The following ITGA1 variants were observed in gnomAD, a reference collection of about 807,000 sequenced individuals.
The protein encoded by ITGA1 is integrin subunit alpha 1.
A neutral mutation model predicts 145.9 loss-of-function variants in ITGA1; 85 were observed. That is an observed-to-expected ratio of 0.58 (90% confidence interval 0.49 to 0.70). ITGA1 has a LOEUF of 0.70. Among genes scored for constraint, ITGA1 ranks in the 30% least tolerant of loss-of-function variants. The pLI is 0.00. For synonymous variants in ITGA1, 520 were observed against 495.3 expected, an observed-to-expected ratio of 1.05 and a Z score of -0.66; for missense variants, 1,351 against 1,418.7, an observed-to-expected ratio of 0.95 and a Z score of 0.77.
At chr5:52,895,051 G>A (rs931771293) in intron 9 of ITGA1, among the ~76,000 whole-genome samples, 3 of 151,982 alleles carry the variant, frequency 2.0e-5, no homozygotes, top group African/African-American at 7.3e-5. Context: ...CTTATTACAT[G>A]TGATGCACTG....
intron 1 of ITGA1, among the ~76,000 whole-genome samples, chr5:52,814,217 G>A (rs1447447454): frequency 6.6e-6 from 1 of 152,192 alleles, no homozygotes; most frequent in Non-Finnish European, 1.5e-5. Context: ...CGCGATCTCA[G>A]CTCACTGCAA....
chr5:52,843,644 G>A (rs1248113462), intron 1 of ITGA1, among the ~76,000 whole-genome samples: 1 of 152,142 alleles, frequency 6.6e-6, no homozygotes, highest in African/African-American at 2.4e-5. Context: ...AAATACTCCA[G>A]AGCTACAAGA....
Position 52,807,444 on chromosome 5 carries a change from A to G in ITGA1, c.61+19030A>G, listed in dbSNP as rs930127115. 2.6e-5 allele frequency among the ~76,000 whole-genome samples: 4 copies of G among 152,344 alleles called. No homozygotes were observed. The East Asian group carries it at 5.8e-4, about 22-fold the overall frequency. On this transcript the variant is annotated intron_variant, in intron 1 of 28. Coordinates refer to ENST00000282588, the MANE Select transcript of ITGA1 (RefSeq NM_181501.2). ...AAATGAAATTAAAGAAGATTAAATA[A>G]TTTATCCAAAATAACAGTTAGTGGG...
rs532421699 is a variant in ITGA1 at position 52,829,675 on chromosome 5, G to A, written c.62-19690G>A. On this transcript the variant is annotated intron_variant, in intron 1 of 28. Coordinates refer to ENST00000282588, the MANE Select transcript of ITGA1 (RefSeq NM_181501.2). ...TGAAAACAGTTCAATACTCATTTAT[G>A]TAGAGAATATCTTTCAAGACATTAA... is the stretch of plus-strand genomic sequence containing the variant. 1.6e-4 allele frequency among the ~76,000 whole-genome samples: 24 copies of A among 152,036 alleles called. No homozygotes were observed. In the East Asian group the frequency reaches 2.1e-3, roughly 13 times the overall value.
chr5:52,903,543 G>C (rs572250508), intron 11 of ITGA1: 1 of 152,244 alleles, frequency 6.6e-6, no homozygotes, highest in South Asian at 2.1e-4. Flanking sequence ...TGTTCCTTTA[G>C]CACTTGTAAG....
At chr5:52,903,275 A>G (rs921127380) in intron 11 of ITGA1, 4 of 152,046 alleles carry the variant, frequency 2.6e-5, no homozygotes, top group Non-Finnish European at 5.9e-5. Flanking sequence ...CCTTCTTTAT[A>G]TTTCTTAGCA....
intron 3 of ITGA1, among the ~76,000 whole-genome samples, chr5:52,863,516 A>C (rs1366731372): frequency 6.6e-6 from 1 of 152,154 alleles, no homozygotes; most frequent in Non-Finnish European, 1.5e-5. Context: ...AACAAAACAC[A>C]AAAGCACAAA....
At chr5:52,830,380 T>A (rs1237586111) in intron 1 of ITGA1, among the ~76,000 whole-genome samples, 1 of 152,198 alleles carries the variant, frequency 6.6e-6, no homozygotes. Context: ...AAAGATAAAC[T>A]TTGGAAGTTT....
At chr5:52,825,936 G>A (rs1580049789) in intron 1 of ITGA1, among the ~76,000 whole-genome samples, 4 of 145,438 alleles carry the variant, frequency 2.8e-5, no homozygotes, top group Non-Finnish European at 3.0e-5. Context: ...AAAAAAAAAA[G>A]GAAAGAAGTT....
chr5:52,913,804 A>G (rs1472238759), intron 14 of ITGA1, among the ~76,000 whole-genome samples: 1 of 152,190 alleles, frequency 6.6e-6, no homozygotes, highest in Non-Finnish European at 1.5e-5. Flanking sequence ...AACATGAGTG[A>G]TTTTTCATAA....
At chr5:52,808,802 G>A (rs887231262) in intron 1 of ITGA1, among the ~76,000 whole-genome samples, 1 of 148,838 alleles carries the variant, frequency 6.7e-6, no homozygotes, top group Non-Finnish European at 1.5e-5. Context: ...ATATATCATC[G>A]GACCTAGTTC....
chr5:52,815,485 T>C (rs6450091), intron 1 of ITGA1, among the ~76,000 whole-genome samples: 138,046 of 152,262 alleles, frequency 0.91, 62,653 homozygotes, highest in Middle Eastern at 0.92. Flanking sequence ...ACTCCCCTGG[T>C]CATGACTGGC....
chr5:52,800,376 G>A, intron 1 of ITGA1: 1 of 1,613,320 alleles, frequency 6.2e-7, no homozygotes. Flanking sequence ...GGTTCTGTCA[G>A]TGAGCCCCTT....
chr5:52,905,321 A>G (rs1292287002), intron 11 of ITGA1: 1 of 152,520 alleles, frequency 6.6e-6, no homozygotes, highest in Non-Finnish European at 1.5e-5. Context: ...AATCATCTTC[A>G]ATTATTTAAA....
Position 52,839,458 on chromosome 5 carries a change from A to G in ITGA1, c.62-9907A>G, listed in dbSNP as rs147006394. Among the ~76,000 whole-genome samples, 147 of 152,298 alleles carry G rather than the reference A, an allele frequency of 9.7e-4. 2 individuals carry two copies. The highest frequency in any genetic ancestry group is 3.4e-3 in the African/African-American group (142 of 41,572). On this transcript the variant is annotated intron_variant, in intron 1 of 28. Coordinates refer to ENST00000282588, the MANE Select transcript of ITGA1 (RefSeq NM_181501.2). ...TTGGCTCTTCTTGTACTATTTGAACATTAGGTAACTGGTTACTGTCTTCTG... is the reference window on the plus strand; with the variant it reads ...TTGGCTCTTCTTGTACTATTTGAACGTTAGGTAACTGGTTACTGTCTTCTG...
chr5:52,811,556 T>C (rs771540167), intron 1 of ITGA1, among the ~76,000 whole-genome samples: 12 of 152,192 alleles, frequency 7.9e-5, no homozygotes, highest in South Asian at 2.1e-4. Flanking sequence ...ATTCCAGAGC[T>C]GAGGGTCATT....
Position 52,849,475 on chromosome 5 carries a change from G to C in ITGA1, c.172G>C (p.Glu58Gln). 4.4e-6 allele frequency: 7 copies of C among 1,601,564 alleles called. No individual in the cohort carries two copies. The highest frequency in any genetic ancestry group is 6.0e-6 in the Non-Finnish European group (7 of 1,172,342). ...TACTGTTCAACAATATGAAAATGAA[G>C]AAGGAAAATGGTAAGCCAGTGGGTT... is the stretch of plus-strand genomic sequence containing the variant. ...GYTVQQYENE[E>Q]GKWVLIGSPL... The change falls in exon 2 of 29, where the codon GAA becomes CAA. Residue 58 changes from glutamate to glutamine, a missense_variant. Coordinates refer to ENST00000282588, the MANE Select transcript of ITGA1 (RefSeq NM_181501.2).
At chr5:52,892,090 G>A (rs1484861790) in intron 8 of ITGA1, among the ~76,000 whole-genome samples, 7 of 152,010 alleles carry the variant, frequency 4.6e-5, no homozygotes, top group Non-Finnish European at 8.8e-5. Flanking sequence ...AACACATAAA[G>A]GACTTGCATC....
At chr5:52,814,350 C>A (rs1400934227) in intron 1 of ITGA1, among the ~76,000 whole-genome samples, 1 of 152,082 alleles carries the variant, frequency 6.6e-6, no homozygotes, top group Non-Finnish European at 1.5e-5. Context: ...GTTGACCAGG[C>A]TGGTCTCAAA....
Sources: gnomAD v4.1 joint callset for allele counts (sites outside exome capture counted in the v4.1 genomes callset) on GRCh38, gnomAD v4.1.1 for gene constraint, MANE v1.5 for transcripts, NCBI Gene and HGNC (gene_info 2026-07-23, HGNC 2026-07-21) for gene names.